Variants in BRINP3 observed in about 807,000 individuals in gnomAD.
The protein encoded by BRINP3 is BMP/retinoic acid inducible neural specific 3.
BRINP3 carries 19 observed loss-of-function variants against 71.0 expected under a neutral mutation model. The observed-to-expected ratio is 0.27, with a 90% confidence interval of 0.19 to 0.39. The LOEUF (loss-of-function observed/expected upper bound fraction) is 0.39. BRINP3 is among the 10% of genes least tolerant of loss of function. BRINP3 has a pLI of 1.00. For synonymous variants in BRINP3, 380 were observed against 337.7 expected, an observed-to-expected ratio of 1.13 and a Z score of -1.37; for missense variants, 959 against 940.8, an observed-to-expected ratio of 1.02 and a Z score of -0.25.
chr1:190,370,330 T>A (rs1033952671), intron 2 of BRINP3, among the ~76,000 whole-genome samples: 3 of 152,076 alleles, frequency 2.0e-5, no homozygotes, highest in Non-Finnish European at 4.4e-5. Flanking sequence ...GAAACCAATT[T>A]AACAAGTCTA....
chr1:190,332,996 A>G (rs1184101180), intron 2 of BRINP3, among the ~76,000 whole-genome samples: 1 of 151,912 alleles, frequency 6.6e-6, no homozygotes, highest in Non-Finnish European at 1.5e-5. Flanking sequence ...GTGAAAAAAA[A>G]ATTCAGTACA....
At chr1:190,166,885 G>C (rs1571891297) in intron 6 of BRINP3, among the ~76,000 whole-genome samples, 1 of 151,928 alleles carries the variant, frequency 6.6e-6, no homozygotes, top group African/African-American at 2.4e-5. Flanking sequence ...CACTACTTCC[G>C]GCTAGTTTTT....
rs77739349 is a variant in BRINP3, at chr1:190,356,460, C to T, written c.237-74710G>A. Among the ~76,000 whole-genome samples the T allele has an allele frequency of 3.4e-3, 518 of 152,010 alleles. 7 individuals carry two copies. Among genetic ancestry groups the T allele is most frequent in the African/African-American group, 0.012 (481 of 41,510 alleles). Reference sequence around the variant, plus strand: ...TAGATGAACAGCAGTACATCCCAAACGTATTAATTTCCTATTGAAGCTATA... The same window carrying T: ...TAGATGAACAGCAGTACATCCCAAATGTATTAATTTCCTATTGAAGCTATA... On this transcript the variant is annotated intron_variant, in intron 2 of 7. Coordinates refer to ENST00000367462, the MANE Select transcript of BRINP3 (RefSeq NM_199051.3).
intron 7 of BRINP3, among the ~76,000 whole-genome samples, chr1:190,156,838 A>G (rs915111677): frequency 2.0e-5 from 3 of 152,016 alleles, no homozygotes; most frequent in African/African-American, 4.8e-5. Flanking sequence ...TTACACTTCT[A>G]TTTTATTCTA....
intron 7 of BRINP3, among the ~76,000 whole-genome samples, chr1:190,116,240 C>T (rs1244425261): frequency 1.3e-5 from 2 of 152,006 alleles, no homozygotes; most frequent in East Asian, 3.9e-4. Context: ...ATCTGCCTTT[C>T]ACAAATGTGG....
chr1:190,375,350 T>C (rs1434851161), intron 2 of BRINP3, among the ~76,000 whole-genome samples: 1 of 151,910 alleles, frequency 6.6e-6, no homozygotes, highest in Admixed American at 6.6e-5. Context: ...CAAGGCCATG[T>C]CACTTATGAC....
chr1:190,236,637 C>A (rs1658546202), intron 4 of BRINP3, among the ~76,000 whole-genome samples: 1 of 151,986 alleles, frequency 6.6e-6, no homozygotes, highest in Middle Eastern at 3.4e-3. Flanking sequence ...TTTAATTATT[C>A]TCCACCTACT....
chr1:190,366,179 G>C (rs1264657921), intron 2 of BRINP3, among the ~76,000 whole-genome samples: 1 of 152,064 alleles, frequency 6.6e-6, no homozygotes, highest in Non-Finnish European at 1.5e-5. Context: ...CTGAGACTGA[G>C]TAATTTATAA....
chr1:190,432,202 A>G (rs1463301884), intron 2 of BRINP3, among the ~76,000 whole-genome samples: 1 of 152,226 alleles, frequency 6.6e-6, no homozygotes, highest in Non-Finnish European at 1.5e-5. Flanking sequence ...ATTATGGCCC[A>G]GTAAATATAG....
At chr1:190,151,928 G>C (rs1656429137) in intron 7 of BRINP3, among the ~76,000 whole-genome samples, 1 of 152,034 alleles carries the variant, frequency 6.6e-6, no homozygotes, top group Admixed American at 6.6e-5. Context: ...GCACATACTT[G>C]GACAATTTAA....
chr1:190,437,383 C>T (rs80266860), intron 2 of BRINP3, among the ~76,000 whole-genome samples: 2,101 of 151,824 alleles, frequency 0.014, 55 homozygotes, highest in African/African-American at 0.047. Context: ...GAAATTCTTG[C>T]CTAGGAAGGT....
intron 2 of BRINP3, among the ~76,000 whole-genome samples, chr1:190,412,879 AAT>A (rs1429710381): frequency 6.6e-6 from 1 of 152,160 alleles, no homozygotes; most frequent in Non-Finnish European, 1.5e-5. Flanking sequence ...TAATTTAAAA[AAT>A]AAAAGTAATT....
chr1:190,340,863 C>T (rs772389555), intron 2 of BRINP3, among the ~76,000 whole-genome samples: 39 of 151,858 alleles, frequency 2.6e-4, no homozygotes, highest in Admixed American at 2.6e-4. Flanking sequence ...GTAGAGAATA[C>T]TCTATGTGAG....
At chr1:190,330,994 G>C (rs1249244186) in intron 2 of BRINP3, among the ~76,000 whole-genome samples, 1 of 151,818 alleles carries the variant, frequency 6.6e-6, no homozygotes, top group Non-Finnish European at 1.5e-5. Context: ...AGGAGTGGGG[G>C]AGGATTGAAA....
chr1:190,247,966 G>A (rs1020518682), intron 4 of BRINP3, among the ~76,000 whole-genome samples: 5 of 151,800 alleles, frequency 3.3e-5, no homozygotes, highest in Admixed American at 1.3e-4. Flanking sequence ...TTTGTCATTT[G>A]TACCTTGAGC....
rs755798999 is a variant in BRINP3, at chr1:190,387,487, A to G, written c.236+67168T>C. Among the ~76,000 whole-genome samples the G allele has an allele frequency of 7.9e-5, 12 of 151,902 alleles. 1 individual carries two copies. The highest frequency in any genetic ancestry group is 1.4e-4 in the African/African-American group (6 of 41,396). On this transcript the variant is annotated intron_variant, in intron 2 of 7. Coordinates refer to ENST00000367462, the MANE Select transcript of BRINP3 (RefSeq NM_199051.3). ...AATTTGGGTCACTGTTTAATTTTGC[A>G]TACTAAAATTTCAGGAAGGCAATGA...
chr1:190,165,349 T>TA (rs201204972), intron 6 of BRINP3, among the ~76,000 whole-genome samples: 54 of 138,814 alleles, frequency 3.9e-4, no homozygotes, highest in Non-Finnish European at 5.7e-4. Context: ...AGCAATAAAC[T>TA]AAAAAAAAAA....
At chr1:190,245,250 T>G (rs980836780) in intron 4 of BRINP3, among the ~76,000 whole-genome samples, 2 of 151,394 alleles carry the variant, frequency 1.3e-5, no homozygotes, top group African/African-American at 4.8e-5. Flanking sequence ...CTTTTCTTTT[T>G]TTTTTTTCAG....
intron 2 of BRINP3, among the ~76,000 whole-genome samples, chr1:190,424,427 G>A (rs1169483979): frequency 1.3e-5 from 2 of 151,552 alleles, no homozygotes; most frequent in Non-Finnish European, 3.0e-5. Flanking sequence ...TAGAGTCTTT[G>A]TACAAAGGGA....
Sources: gnomAD v4.1 joint callset for allele counts (sites outside exome capture counted in the v4.1 genomes callset) on GRCh38, gnomAD v4.1.1 for gene constraint, MANE v1.5 for transcripts, NCBI Gene and HGNC (gene_info 2026-07-23, HGNC 2026-07-21) for gene names.